ALG9: variants seen among roughly 807,000 people sequenced by gnomAD.
ALG9 encodes ALG9 alpha-1,2-mannosyltransferase.
ALG9 carries 55 observed loss-of-function variants against 81.8 expected under a neutral mutation model. The ratio of observed to expected loss-of-function variants is 0.67; its 90% CI spans 0.54 to 0.84. The LOEUF (loss-of-function observed/expected upper bound fraction) is 0.84. ALG9 is among the 40% of genes least tolerant of loss of function. The pLI is 0.00. For missense variants in ALG9, 629 were observed against 745.0 expected (o/e 0.84, Z 1.81); for synonymous variants, 278 against 274.3 (o/e 1.01, Z -0.13).
At chr11:111,793,106 C>T (rs1442208171) in intron 14 of ALG9, among the ~76,000 whole-genome samples, 1 of 152,158 alleles carries the variant, frequency 6.6e-6, no homozygotes, top group African/African-American at 2.4e-5. Context: ...ACCTTAGCCT[C>T]CTGAGTAGTT....
At chr11:111,870,203 A>C in intron 2 of ALG9, 29 bp downstream of exon 2, 1 of 1,604,266 alleles carries the variant, frequency 6.2e-7, no homozygotes, top group East Asian at 2.2e-5. Context: ...AATCAAGAAC[A>C]AAAAGAGAAA....
At chr11:111,825,509 A>T (rs1953080423) in intron 13 of ALG9, among the ~76,000 whole-genome samples, 1 of 152,160 alleles carries the variant, frequency 6.6e-6, no homozygotes, top group African/African-American at 2.4e-5. Flanking sequence ...CCTTTGCAAA[A>T]GCTGTTCCTT....
chr11:111,865,221 G>A lies in ALG9; in HGVS notation c.436C>T (p.Leu146=). 1.3e-6 allele frequency: 2 copies of A among 1,552,714 alleles called. No homozygotes were observed. Among genetic ancestry groups the A allele is most frequent in the Non-Finnish European group, 1.7e-6 (2 of 1,147,766 alleles). ...ILVFYFLRCL[L]AFVSCICELY... is the part of the protein sequence containing the mutation. ...TCACAAATACAGCTCACAAAAGCCA[G>A]AAGACATCGCAAAAAGTAAAACACA... The change falls in exon 4 of 15, where the codon CTG becomes TTG. Residue 146 remains leucine, a synonymous_variant. Coordinates refer to ENST00000616540, the MANE Select transcript of ALG9 (RefSeq NM_024740.2).
intron 10 of ALG9, 127 bp downstream of exon 10, chr11:111,840,528 T>C: frequency 9.2e-7 from 1 of 1,088,732 alleles, no homozygotes; most frequent in Non-Finnish European, 1.4e-6. Context: ...ATATGATCTA[T>C]ATCAGGTTTA....
chr11:111,799,551 T>C lies in ALG9; in HGVS notation c.1733+10092A>G, dbSNP rs375004053. On this transcript the variant is annotated intron_variant, in intron 14 of 14. Coordinates refer to ENST00000616540, the MANE Select transcript of ALG9 (RefSeq NM_024740.2). ...AGCTGAGGCCCAATCTAGGCCACAA[T>C]AATAAGAATTGTCAGCAAGTTAAAT... Among the ~76,000 whole-genome samples, 5 of 151,414 alleles carry C rather than the reference T, an allele frequency of 3.3e-5. No homozygotes were observed. In the East Asian group the frequency reaches 9.7e-4, roughly 29 times the overall value.
At chr11:111,853,883 AC>A in intron 6 of ALG9, 147 bp from the exon 7 acceptor site, 1 of 735,462 alleles carries the variant, frequency 1.4e-6, no homozygotes, top group Non-Finnish European at 2.4e-6. Context: ...GGATGTCGTC[AC>A]AGGACCTGTC....
Position 111,838,333 on chromosome 11 carries a change from T to C in ALG9, c.1240A>G (p.Thr414Ala). ...AATGCCAGCCAATTCGATGTCACAG[T>C]ATAGTGCTCCAGGCGATATCGTTGA... ...VFQRYRLEHY[T>A]VTSNWLALGT... The change falls in exon 11 of 15, where the codon ACT becomes GCT. Residue 414 changes from threonine to alanine, a missense_variant. By Grantham distance (58) the Thr-to-Ala change is moderately conservative (BLOSUM62 0). This residue lies in a region of ALG9 where 264 missense variants were observed against 302.2 expected (regional missense o/e 0.87). Transcript: ENST00000616540. The C allele has an allele frequency of 6.2e-7, 1 of 1,613,990 alleles. No individual in the cohort carries two copies. The highest frequency in any genetic ancestry group is 8.5e-7 in the Non-Finnish European group (1 of 1,179,830).
At chr11:111,772,462 C>T in the ALG9 span, among the ~76,000 whole-genome samples, 7 of 152,232 alleles carry the variant, frequency 4.6e-5, no homozygotes, top group East Asian at 9.6e-4. Context: ...CACAATAGTA[C>T]ATACAATGGT....
chr11:111,852,475 C>G (rs1957978382), intron 8 of ALG9, among the ~76,000 whole-genome samples: 1 of 152,174 alleles, frequency 6.6e-6, no homozygotes, highest in Non-Finnish European at 1.5e-5. Context: ...TCCATTTTCT[C>G]TCTTAACCCT....
intron 13 of ALG9, among the ~76,000 whole-genome samples, chr11:111,821,486 G>A (rs537197158): frequency 2.6e-5 from 4 of 152,192 alleles, no homozygotes; most frequent in East Asian, 1.9e-4. Context: ...CAATGACTCC[G>A]CCAAGCCCAT....
At chr11:111,774,746 A>T in the ALG9 span, among the ~76,000 whole-genome samples, 1 of 152,220 alleles carries the variant, frequency 6.6e-6, no homozygotes, top group South Asian at 2.1e-4. Flanking sequence ...TATTGAAACA[A>T]GCAAACCTTT....
chr11:111,853,701 T>C lies in ALG9; in HGVS notation c.737A>G (p.His246Arg). Residue 246 changes from histidine to arginine, a missense_variant, in exon 7 of 15, where the codon CAC becomes CGC. This residue lies in a region of ALG9 where 344 missense variants were observed against 390.5 expected (regional missense o/e 0.88). Coordinates refer to ENST00000616540, the MANE Select transcript of ALG9 (RefSeq NM_024740.2). Reference protein sequence around the residue: ...PIAFDLLVMKHRWKSFFHWSL... With the variant: ...PIAFDLLVMKRRWKSFFHWSL... ...CCAATGAAAGAAACTCTTCCACCTG[T>C]GTTTCATGACCAGCAAATCAAAGGC... The C allele has an allele frequency of 6.2e-7, 1 of 1,614,146 alleles. No homozygotes were observed. Among genetic ancestry groups the C allele is most frequent in the South Asian group, 1.1e-5 (1 of 91,090 alleles).
At chr11:111,846,408 GT>G (rs1368255411) in intron 8 of ALG9, among the ~76,000 whole-genome samples, 1 of 152,094 alleles carries the variant, frequency 6.6e-6, no homozygotes, top group Non-Finnish European at 1.5e-5. Flanking sequence ...AATACAGACT[GT>G]TTTTTTCAGG....
At chr11:111,768,264 C>T in the ALG9 span, among the ~76,000 whole-genome samples, 2 of 152,220 alleles carry the variant, frequency 1.3e-5, no homozygotes, top group Non-Finnish European at 2.9e-5. Context: ...AGTAACAATA[C>T]GACGGATGAC....
chr11:111,813,574 A>AG (rs1951054075), intron 13 of ALG9, among the ~76,000 whole-genome samples: 1 of 152,238 alleles, frequency 6.6e-6, no homozygotes, highest in African/African-American at 2.4e-5. Flanking sequence ...AATTAAAAAA[A>AG]CACAGAATGA....
the ALG9 span, chr11:111,770,930 G>T: frequency 6.6e-6 from 1 of 152,232 alleles, no homozygotes; most frequent in African/African-American, 2.4e-5. Context: ...CAGCCCTCAG[G>T]TAACAAGGTG....
chr11:111,831,698 T>C (rs1954404954), intron 13 of ALG9, among the ~76,000 whole-genome samples: 1 of 152,216 alleles, frequency 6.6e-6, no homozygotes, highest in African/African-American at 2.4e-5. Context: ...TAGATCTCAG[T>C]TCTTTCATCC....
chr11:111,819,780 G>GT (rs1952034073), intron 13 of ALG9, among the ~76,000 whole-genome samples: 1 of 152,216 alleles, frequency 6.6e-6, no homozygotes, highest in African/African-American at 2.4e-5. Context: ...GCTGAACCTT[G>GT]TAAGCTCTGT....
intron 14 of ALG9, among the ~76,000 whole-genome samples, chr11:111,791,920 C>T (rs929775456): frequency 2.6e-5 from 4 of 152,170 alleles, no homozygotes; most frequent in Admixed American, 2.6e-4. Context: ...GGTGAAACCC[C>T]TAAAAATACA....
Sources: gnomAD v4.1 joint callset for allele counts (sites outside exome capture counted in the v4.1 genomes callset) on GRCh38, gnomAD v4.1.1 for gene constraint, gnomAD v4.1.1 regional missense constraint, MANE v1.5 for transcripts, NCBI Gene and HGNC (gene_info 2026-07-23, HGNC 2026-07-21) for gene names.